CSMD1: variants seen among roughly 807,000 people sequenced by gnomAD.
The protein encoded by CSMD1 is CUB and sushi domain-containing protein 1.
In CSMD1, 213 loss-of-function variants were observed where a neutral mutation model predicts 417.5. The observed-to-expected ratio is 0.51, with a 90% CI of 0.46 to 0.57. CSMD1 has a LOEUF of 0.57. Among genes scored for constraint, CSMD1 ranks in the 20% least tolerant of loss-of-function variants. The pLI, the probability that CSMD1 is intolerant of heterozygous loss-of-function variation, is 0.00. For synonymous variants in CSMD1, 2,862 were observed against 1,736.8 expected, an observed-to-expected ratio of 1.65 and a Z score of -16.11; for missense variants, 6,923 against 4,529.7, an observed-to-expected ratio of 1.53 and a Z score of -15.17.
chr8:3,572,763 C>T (rs910517405), intron 10 of CSMD1, among the ~76,000 whole-genome samples: 3 of 151,990 alleles, frequency 2.0e-5, no homozygotes, highest in Admixed American at 2.0e-4. Flanking sequence ...TATTTGAGCC[C>T]CTATGGAAAT....
At chr8:3,335,569 A>C (rs155327) in intron 23 of CSMD1, among the ~76,000 whole-genome samples, 107,854 of 151,752 alleles carry the variant, frequency 0.71, 38,488 homozygotes, top group East Asian at 0.95. Context: ...CCCAGCTACT[A>C]GGGAGGCTGA....
At chr8:3,731,193 C>A (rs1309445443) in intron 6 of CSMD1, among the ~76,000 whole-genome samples, 1 of 152,142 alleles carries the variant, frequency 6.6e-6, no homozygotes, top group African/African-American at 2.4e-5. Flanking sequence ...AACCTCTTAC[C>A]CATTAAGCAG....
chr8:4,249,851 A>G (rs1438677647), intron 3 of CSMD1, among the ~76,000 whole-genome samples: 1 of 152,058 alleles, frequency 6.6e-6, no homozygotes, highest in East Asian at 1.9e-4. Flanking sequence ...GTGTCCCCTG[A>G]CCCCCGGAAT....
At chr8:4,297,070 A>T (rs1270686213) in intron 3 of CSMD1, among the ~76,000 whole-genome samples, 2 of 112,346 alleles carry the variant, frequency 1.8e-5, no homozygotes, top group Non-Finnish European at 3.6e-5. Context: ...GATGGGTTAG[A>T]TAGGTTGAAG....
intron 10 of CSMD1, among the ~76,000 whole-genome samples, chr8:3,501,439 G>A (rs142093231): frequency 0.013 from 1,961 of 152,198 alleles, 42 homozygotes; most frequent in African/African-American, 0.044. Flanking sequence ...AAATGAATAG[G>A]AAAAATATTT....
intron 1 of CSMD1, among the ~76,000 whole-genome samples, chr8:4,905,677 G>A (rs191548919): frequency 0.03 from 4,531 of 151,790 alleles, 85 homozygotes; most frequent in Non-Finnish European, 0.045. Context: ...AAAATTAGCC[G>A]GGCGTGGTGG....
At chr8:4,479,965 CAA>C (rs34081481) in intron 2 of CSMD1, among the ~76,000 whole-genome samples, 12,140 of 107,832 alleles carry the variant, frequency 0.11, 731 homozygotes, top group East Asian at 0.25. Flanking sequence ...GTCTCTGTCT[CAA>C]AAAAAAAAAA....
intron 5 of CSMD1, among the ~76,000 whole-genome samples, chr8:3,983,737 T>G (rs972035434): frequency 6.6e-6 from 1 of 152,224 alleles, no homozygotes; most frequent in Non-Finnish European, 1.5e-5. Context: ...GATGTTCCCC[T>G]AGTCTGGTAG....
intron 18 of CSMD1, among the ~76,000 whole-genome samples, chr8:3,376,829 A>T (rs1653156852): frequency 6.6e-6 from 1 of 152,144 alleles, no homozygotes; most frequent in Non-Finnish European, 1.5e-5. Context: ...GAATGTTTAA[A>T]GGTTTAAATA....
In CSMD1 at chr8:2,982,070, A is replaced by G. The variant is rs576079198; in HGVS notation, c.8378-3270T>C. 2.6e-5 allele frequency among the ~76,000 whole-genome samples: 4 copies of G among 152,246 alleles called. No individual in the cohort carries two copies. The South Asian group carries it at 8.3e-4, about 32-fold the overall frequency. On this transcript the variant is annotated intron_variant, in intron 54 of 69. Coordinates refer to ENST00000635120, the MANE Select transcript of CSMD1 (RefSeq NM_033225.6). ...CTCAAGTTGACATACGAATATGGGT[A>G]ACAGGCCAGGTGCGGTGGCTCACAC...
intron 41 of CSMD1, among the ~76,000 whole-genome samples, chr8:3,122,923 T>C (rs1213284064): frequency 1.3e-5 from 2 of 152,186 alleles, no homozygotes; most frequent in African/African-American, 2.4e-5. Context: ...AAGTAGAATA[T>C]TGGACTGTTG....
chr8:4,375,009 G>T lies in CSMD1; in HGVS notation c.415+44944C>A, dbSNP rs546345872. On this transcript the variant is annotated intron_variant, in intron 3 of 69. Transcript: ENST00000635120. Reference sequence around the variant, plus strand: ...GGTACGGGCAAGGAGCAATAGTGGGGACAGGGCAGGGAGCTAGAGCAATTT... The same window carrying T: ...GGTACGGGCAAGGAGCAATAGTGGGTACAGGGCAGGGAGCTAGAGCAATTT... Among the ~76,000 whole-genome samples the T allele has an allele frequency of 5.6e-4, 85 of 151,332 alleles. 1 individual carries two copies. The highest frequency in any genetic ancestry group is 5.5e-4 in the Non-Finnish European group (37 of 67,874).
intron 1 of CSMD1, among the ~76,000 whole-genome samples, chr8:4,925,121 T>A (rs1369097722): frequency 6.6e-6 from 1 of 152,082 alleles, no homozygotes; most frequent in Non-Finnish European, 1.5e-5. Context: ...TTATAAGTCT[T>A]TCTGAATGTT....
intron 5 of CSMD1, among the ~76,000 whole-genome samples, chr8:3,922,234 T>G (rs1412938634): frequency 1.3e-5 from 2 of 152,098 alleles, no homozygotes; most frequent in Non-Finnish European, 1.5e-5. Flanking sequence ...AAAATATCCT[T>G]TTCTATCTCT....
At chr8:4,373,646 A>G (rs182648410) in intron 3 of CSMD1, among the ~76,000 whole-genome samples, 2 of 152,146 alleles carry the variant, frequency 1.3e-5, no homozygotes, top group Admixed American at 6.5e-5. Flanking sequence ...TAAAAATATT[A>G]TGGAAGTTAT....
At chr8:4,880,361 C>T (rs942787543) in intron 1 of CSMD1, among the ~76,000 whole-genome samples, 1 of 152,202 alleles carries the variant, frequency 6.6e-6, no homozygotes, top group Admixed American at 6.5e-5. Flanking sequence ...TACTTGACGT[C>T]TGAACACACA....
intron 41 of CSMD1, among the ~76,000 whole-genome samples, chr8:3,124,296 G>C (rs1817374381): frequency 6.6e-6 from 1 of 151,936 alleles, no homozygotes; most frequent in African/African-American, 2.4e-5. Context: ...GGTGAATTTA[G>C]GCAAATTAAA....
intron 17 of CSMD1, among the ~76,000 whole-genome samples, chr8:3,391,252 A>G (rs528233351): frequency 1.3e-5 from 2 of 152,354 alleles, no homozygotes; most frequent in South Asian, 2.1e-4. Flanking sequence ...CATGAATAAC[A>G]TGATATATCA....
intron 10 of CSMD1, among the ~76,000 whole-genome samples, chr8:3,505,783 A>G (rs1052291009): frequency 6.6e-6 from 1 of 152,208 alleles, no homozygotes; most frequent in Non-Finnish European, 1.5e-5. Context: ...TGTGAGAAGG[A>G]AGAGAAAATA....
Sources: gnomAD v4.1 joint callset for allele counts (sites outside exome capture counted in the v4.1 genomes callset) on GRCh38, gnomAD v4.1.1 for gene constraint, MANE v1.5 for transcripts, NCBI Gene and HGNC (gene_info 2026-07-23, HGNC 2026-07-21) for gene names.